SBF2: variants seen among roughly 807,000 people sequenced by gnomAD.
SBF2 encodes the protein myotubularin-related protein 13.
A neutral mutation model predicts 225.2 loss-of-function variants in SBF2; 112 were observed. That is an observed-to-expected ratio of 0.50 (90% CI 0.43 to 0.58). The LOEUF (loss-of-function observed/expected upper bound fraction) is 0.58. SBF2 is among the 20% of genes least tolerant of loss of function. SBF2 has a pLI of 0.00. For missense variants in SBF2, 1,996 were observed against 2,206.2 expected (o/e 0.90, Z 1.91); for synonymous variants, 763 against 773.3 (o/e 0.99, Z 0.22).
chr11:10,150,301 G>A (rs964808022), intron 2 of SBF2, among the ~76,000 whole-genome samples: 126 of 152,026 alleles, frequency 8.3e-4, no homozygotes, highest in African/African-American at 2.8e-3. Context: ...CAAATATTTC[G>A]TTGTCATTCT....
chr11:9,992,558 A>C lies in SBF2; in HGVS notation c.1168-15T>G, dbSNP rs2134470068. The C allele has an allele frequency of 6.2e-7, 1 of 1,607,100 alleles. No homozygotes were observed. The highest frequency in any genetic ancestry group is 8.5e-7 in the Non-Finnish European group (1 of 1,176,610). On this transcript the variant is annotated splice_polypyrimidine_tract_variant and intron_variant, in intron 11 of 39. Coordinates refer to ENST00000256190, the MANE Select transcript of SBF2 (RefSeq NM_030962.4). The stretch of plus-strand genomic sequence containing the variant: ...AAGAATGCTGTCTGTGAAAAAAGAA[A>C]ATGTGAAATAATAATTTATCACTTG...
intron 28 of SBF2, among the ~76,000 whole-genome samples, chr11:9,829,136 GA>G (rs1006132638): frequency 1.8e-4 from 28 of 152,012 alleles, no homozygotes; most frequent in African/African-American, 6.0e-4. Flanking sequence ...AAACAAAAAA[GA>G]AAAAACTGAA....
chr11:9,959,002 A>G lies in SBF2; in HGVS notation c.1860+2955T>C, dbSNP rs1178707949. ...GCTTAGTTTCTTGATGGCCTCCTCA[A>G]TGTATTTCAGACCATTCTCCCGCAT... On this transcript the variant is annotated intron_variant, in intron 16 of 39. Transcript: ENST00000256190. 1.2e-5 allele frequency: 12 copies of G among 961,504 alleles called. 1 individual carries two copies. The highest frequency in any genetic ancestry group is 1.9e-5 in the Non-Finnish European group (12 of 616,642). 59.6% of individuals were successfully genotyped at this position (961,504 alleles called of 1,614,324 possible).
chr11:10,069,821 G>A (rs1181450550), intron 2 of SBF2, among the ~76,000 whole-genome samples: 1 of 152,172 alleles, frequency 6.6e-6, no homozygotes, highest in Admixed American at 6.6e-5. Context: ...TCCAGCATCT[G>A]TTGTTTCCTG....
At chr11:10,205,237 T>C (rs1213162100) in intron 1 of SBF2, among the ~76,000 whole-genome samples, 1 of 152,036 alleles carries the variant, frequency 6.6e-6, no homozygotes, top group Admixed American at 6.6e-5. Flanking sequence ...ACTCTTTGAA[T>C]ATACTAAAAC....
intron 36 of SBF2, among the ~76,000 whole-genome samples, chr11:9,786,896 T>C (rs189103443): frequency 6.6e-6 from 1 of 152,120 alleles, no homozygotes; most frequent in Non-Finnish European, 1.5e-5. Context: ...TTAAAATATA[T>C]ATATACATTT....
intron 2 of SBF2, among the ~76,000 whole-genome samples, chr11:10,117,209 GGC>G: frequency 6.6e-6 from 1 of 152,142 alleles, no homozygotes; most frequent in South Asian, 2.1e-4. Flanking sequence ...AGGAGGCTGA[GGC>G]AGGTGAATCA....
intron 16 of SBF2, among the ~76,000 whole-genome samples, chr11:9,923,696 T>G (rs1849729632): frequency 6.6e-6 from 1 of 152,096 alleles, no homozygotes; most frequent in Non-Finnish European, 1.5e-5. Flanking sequence ...GGAGGAAGGG[T>G]TTAGCAGTAA....
intron 17 of SBF2, among the ~76,000 whole-genome samples, chr11:9,886,056 A>G (rs1860272010): frequency 6.6e-6 from 1 of 152,216 alleles, no homozygotes; most frequent in South Asian, 2.1e-4. Context: ...CAATCTTCTA[A>G]AAAGAAAATG....
intron 2 of SBF2, among the ~76,000 whole-genome samples, chr11:10,091,231 A>C (rs1412351415): frequency 1.3e-5 from 2 of 152,212 alleles, no homozygotes; most frequent in Non-Finnish European, 2.9e-5. Context: ...TGGCACAAAC[A>C]ACAGATTTTA....
At chr11:9,876,805 T>C (rs1483593593) in intron 17 of SBF2, among the ~76,000 whole-genome samples, 1 of 152,170 alleles carries the variant, frequency 6.6e-6, no homozygotes, top group African/African-American at 2.4e-5. Flanking sequence ...AGTGGGGCAA[T>C]CTCGGCTCAC....
At chr11:9,798,781 C>T (rs1375847666) in intron 32 of SBF2, among the ~76,000 whole-genome samples, 1 of 151,980 alleles carries the variant, frequency 6.6e-6, no homozygotes, top group African/African-American at 2.4e-5. Flanking sequence ...CCTGTCTCTA[C>T]TAAAAATACA....
intron 24 of SBF2, among the ~76,000 whole-genome samples, chr11:9,844,823 G>T (rs765109649): frequency 2.0e-5 from 3 of 152,070 alleles, no homozygotes; most frequent in Non-Finnish European, 4.4e-5. Flanking sequence ...TGGATTGATG[G>T]CTGCAGCACA....
chr11:10,019,151 T>C (rs540578495), intron 6 of SBF2, among the ~76,000 whole-genome samples: 28 of 152,332 alleles, frequency 1.8e-4, no homozygotes, highest in Non-Finnish European at 3.1e-4. Flanking sequence ...AGCTGGCACA[T>C]AATAATGGCT....
At chr11:9,806,165 G>T (rs1286707966) in intron 32 of SBF2, among the ~76,000 whole-genome samples, 1 of 152,192 alleles carries the variant, frequency 6.6e-6, no homozygotes, top group Non-Finnish European at 1.5e-5. Flanking sequence ...TAGTGCTATA[G>T]ATGTTATCAA....
Position 10,002,672 on chromosome 11 carries a change from T to C in SBF2, c.637A>G (p.Ser213Gly). ...FQQLGIQNVL[S>G]LFCAVLTENK... ...TCTGTGAGGACTGCACAAAAGAGGC[T>C]GAGGACATTTTGAATTCCTGAAAAC... Residue 213 changes from serine (S) to glycine (G), a missense_variant, in exon 7 of 40, where the codon AGC (serine) becomes GGC (glycine). Transcript: ENST00000256190. 1 of 1,613,494 alleles carries C rather than the reference T, an allele frequency of 6.2e-7. No homozygotes were observed. The highest frequency in any genetic ancestry group is 8.5e-7 in the Non-Finnish European group (1 of 1,179,512).
chr11:9,790,380 A>G (rs750258436), intron 34 of SBF2, among the ~76,000 whole-genome samples, 176 bp downstream of exon 34: 4 of 152,224 alleles, frequency 2.6e-5, no homozygotes, highest in Non-Finnish European at 5.9e-5. Flanking sequence ...TTTAGGGAAC[A>G]GTCTCCATTT....
chr11:10,129,229 G>C (rs933271037), intron 2 of SBF2, among the ~76,000 whole-genome samples: 3 of 149,456 alleles, frequency 2.0e-5, no homozygotes, highest in Non-Finnish European at 4.4e-5. Flanking sequence ...TCAACCTCCT[G>C]AGTAGCTGGG....
intron 32 of SBF2, among the ~76,000 whole-genome samples, chr11:9,803,403 A>G (rs952795726): frequency 2.0e-5 from 3 of 152,224 alleles, no homozygotes; most frequent in African/African-American, 4.8e-5. Flanking sequence ...AAATTGCTTT[A>G]ATCATACCAC....
Sources: allele counts gnomAD v4.1 joint callset (sites outside exome capture counted in the v4.1 genomes callset), GRCh38; gene constraint gnomAD v4.1.1; transcripts MANE v1.5; gene names NCBI Gene and HGNC (gene_info 2026-07-23, HGNC 2026-07-21).